ZC3H14: variants seen among roughly 807,000 people sequenced by gnomAD.
The protein encoded by ZC3H14 is zinc finger CCCH domain-containing protein 14.
A neutral mutation model predicts 92.4 loss-of-function variants in ZC3H14; 31 were observed. The observed-to-expected ratio is 0.34, with a 90% confidence interval of 0.25 to 0.45. The LOEUF is 0.45. Among genes scored for constraint, ZC3H14 ranks in the 20% least tolerant of loss-of-function variants. ZC3H14 has a pLI of 1.00. For synonymous variants in ZC3H14, 321 were observed against 300.9 expected, an observed-to-expected ratio of 1.07 and a Z score of -0.69; for missense variants, 781 against 897.3, an observed-to-expected ratio of 0.87 and a Z score of 1.66.
In ZC3H14 at chr14:88,572,079, G is replaced by T. The variant is rs553660137; in HGVS notation, c.285G>T (p.Val95=). Residue 95 remains valine (V), a synonymous_variant, in exon 5 of 17, where the codon GTG becomes GTT. Coordinates refer to ENST00000251038, the MANE Select transcript of ZC3H14 (RefSeq NM_024824.5). ...ATACCAACATCTTTGATAGTAACGT[G>T]CCTTCAAACAAGAGCAATTTCAGTC... ...SSDTNIFDSN[V]PSNKSNFSRG... is the part of the protein sequence containing the mutation. The T allele has an allele frequency of 5.0e-6, 8 of 1,614,132 alleles. No homozygotes were observed. The African/African-American group carries it at 9.3e-5, about 19-fold the overall frequency.
chr14:88,595,031 A>G lies in ZC3H14; in HGVS notation c.1280-1703A>G, dbSNP rs140218895. On this transcript the variant is annotated intron_variant, in intron 9 of 16. Transcript: ENST00000251038. ...ACATATGAATGCAACAGACAGTTTGAAGATCAAGAAGAAGATACTGAATCA... is the reference window on the plus strand; with the variant it reads ...ACATATGAATGCAACAGACAGTTTGGAGATCAAGAAGAAGATACTGAATCA... The G allele has an allele frequency of 4.9e-5, 79 of 1,613,540 alleles. 1 individual carries two copies. The African/African-American group carries it at 9.3e-4, about 19-fold the overall frequency.
chr14:88,574,503 A>G (rs2080908262), intron 6 of ZC3H14, 190 bp from the exon 7 acceptor site: 1 of 653,726 alleles, frequency 1.5e-6, no homozygotes. Flanking sequence ...TCGGCCTTCC[A>G]AAGTGCTAGG....
intron 13 of ZC3H14, 76 bp from the exon 14 acceptor site, chr14:88,609,191 A>G (rs1301231153): frequency 1.1e-5 from 18 of 1,588,630 alleles, no homozygotes; most frequent in Non-Finnish European, 1.6e-5. Flanking sequence ...TGGGGAGTGT[A>G]AAGAGCCCTT....
At chr14:88,579,028 G>A (rs1028312768) in intron 9 of ZC3H14, among the ~76,000 whole-genome samples, 1 of 151,756 alleles carries the variant, frequency 6.6e-6, no homozygotes, top group Non-Finnish European at 1.5e-5. Context: ...TCGTCAAGAA[G>A]GATTCTTTTT....
intron 6 of ZC3H14, among the ~76,000 whole-genome samples, chr14:88,573,536 C>T (rs2080758449): frequency 6.6e-6 from 1 of 151,862 alleles, no homozygotes; most frequent in Non-Finnish European, 1.5e-5. Context: ...TGGGTTCAAG[C>T]GATTCTCCTG....
intron 9 of ZC3H14, among the ~76,000 whole-genome samples, chr14:88,588,094 C>T (rs2082672891): frequency 6.6e-6 from 1 of 151,878 alleles, no homozygotes; most frequent in South Asian, 2.1e-4. Context: ...TCATTGCCTA[C>T]CTGTACTGTA....
chr14:88,574,133 A>G lies in ZC3H14; in HGVS notation c.862-560A>G, dbSNP rs552876890. The stretch of plus-strand genomic sequence containing the variant: ...GTGAGCAACCAATTAACTCTGTTTT[A>G]TTAGTTTCCTCAATAGCACTATATG... On this transcript the variant is annotated intron_variant, in intron 6 of 16. Transcript: ENST00000251038. Among the ~76,000 whole-genome samples, 37 of 152,314 alleles carry G rather than the reference A, an allele frequency of 2.4e-4. No homozygotes were observed. In the South Asian group the frequency reaches 7.5e-3, roughly 31 times the overall value.
chr14:88,582,409 G>A (rs2082008964), intron 9 of ZC3H14, among the ~76,000 whole-genome samples: 1 of 152,164 alleles, frequency 6.6e-6, no homozygotes, highest in South Asian at 2.1e-4. Context: ...GGGTTGAATA[G>A]CCTGAGAAAT....
Position 88,618,756 on chromosome 14 carries a change from AAAT to A in ZC3H14, c.*7006_*7008del. On this transcript the variant is annotated 3_prime_UTR_variant, in exon 17 of 17. Transcript: ENST00000251038. ...AGTGGGGCCCAGCGTTAGGTCATAA[AAAT>A]CCACTGAGTTCTCACTAGAACCTAC... is the stretch of plus-strand genomic sequence containing the variant. 6.2e-7 allele frequency: 1 copy of A among 1,603,408 alleles called. No homozygotes were observed. Among genetic ancestry groups the A allele is most frequent in the Non-Finnish European group, 8.5e-7 (1 of 1,174,116 alleles).
intron 9 of ZC3H14, among the ~76,000 whole-genome samples, chr14:88,593,187 C>G (rs186611025): frequency 6.5e-4 from 99 of 151,988 alleles, no homozygotes; most frequent in Non-Finnish European, 3.7e-4. Flanking sequence ...AGGCTGGTCT[C>G]GAACTCCTGA....
At position 88,611,868 on chromosome 14, in the gene ZC3H14, TGAA is replaced by T; in HGVS notation, c.*119_*121del. The T allele has an allele frequency of 2.8e-6, 4 of 1,421,178 alleles. No homozygotes were observed. Among genetic ancestry groups the T allele is most frequent in the Non-Finnish European group, 3.9e-6 (4 of 1,020,098 alleles). 88.0% of individuals were successfully genotyped at this position (1,421,178 alleles called of 1,614,324 possible). On this transcript the variant is annotated 3_prime_UTR_variant, in exon 17 of 17. Coordinates refer to ENST00000251038, the MANE Select transcript of ZC3H14 (RefSeq NM_024824.5). Reference sequence around the variant, plus strand: ...CTTGGAATATATTGCTTTCATAATATGAAGTTTTATTGCCTATCTATCTGAAGT... The same window carrying T: ...CTTGGAATATATTGCTTTCATAATATGTTTTATTGCCTATCTATCTGAAGT...
intron 9 of ZC3H14, among the ~76,000 whole-genome samples, chr14:88,580,581 T>G (rs1595601042): frequency 1.3e-5 from 2 of 152,070 alleles, no homozygotes; most frequent in East Asian, 3.9e-4. Context: ...GTGGCAAATA[T>G]TGATAATAGG....
At chr14:88,604,512 A>G (rs2085071172) in intron 12 of ZC3H14, among the ~76,000 whole-genome samples, 1 of 151,810 alleles carries the variant, frequency 6.6e-6, no homozygotes, top group Admixed American at 6.6e-5. Context: ...TGTTTCAAGG[A>G]TGCTACCAAC....
At chr14:88,611,369 A>G (rs558521060) in intron 16 of ZC3H14, among the ~76,000 whole-genome samples, 1 of 152,306 alleles carries the variant, frequency 6.6e-6, no homozygotes, top group African/African-American at 2.4e-5. Flanking sequence ...TACCAGGATT[A>G]CAGGCATGAG....
At position 88,594,911 on chromosome 14, in the gene ZC3H14, C is replaced by T. The variant is rs560386753; in HGVS notation, c.1280-1823C>T. ...AAAGGAATGAAAGCAGCTATTTTGA[C>T]AGTGGAAGCAAATCTTTTTGATCTA... On this transcript the variant is annotated intron_variant, in intron 9 of 16. Coordinates refer to ENST00000251038, the MANE Select transcript of ZC3H14 (RefSeq NM_024824.5). The T allele has an allele frequency of 3.7e-6, 6 of 1,613,860 alleles. No individual in the cohort carries two copies. The South Asian group carries it at 5.5e-5, about 15-fold the overall frequency.
chr14:88,617,746 T>G lies in ZC3H14; in HGVS notation c.*5995T>G, dbSNP rs912279016. 1 of 152,796 alleles carries G rather than the reference T, an allele frequency of 6.5e-6. No individual in the cohort carries two copies. Among genetic ancestry groups the G allele is most frequent in the African/African-American group, 2.4e-5 (1 of 41,460 alleles). The allele number at this position is 152,796 out of a possible 1,614,324, so 9.5% of individuals were successfully genotyped here. ...CCTGCTACATCAGAGATTACAGGCATGAGCCACTATATGCCTGGCTGATAC... is the reference window on the plus strand; with the variant it reads ...CCTGCTACATCAGAGATTACAGGCAGGAGCCACTATATGCCTGGCTGATAC... On this transcript the variant is annotated 3_prime_UTR_variant, in exon 17 of 17. Transcript: ENST00000251038.
In ZC3H14 at chr14:88,618,379, C is replaced by A; in HGVS notation, c.*6628C>A. 1 of 1,509,940 alleles carries A rather than the reference C, an allele frequency of 6.6e-7. No homozygotes were observed. Among genetic ancestry groups the A allele is most frequent in the Non-Finnish European group, 9.2e-7 (1 of 1,089,876 alleles). 93.5% of individuals were successfully genotyped at this position (1,509,940 alleles called of 1,614,324 possible). A position where few individuals can be genotyped will look rare whatever the true frequency, so the allele number is the denominator to read the frequency against. On this transcript the variant is annotated 3_prime_UTR_variant, in exon 17 of 17. Transcript: ENST00000251038. ...GACAAGAATTCCATTAGGTGAGAGA[C>A]AAAATCCACAGGGGGTTTACAGAAT...
rs531579822 is a variant in ZC3H14 at position 88,586,974 on chromosome 14, C to T, written c.1279+8834C>T. ...TTCTTCATTGACCAACTAGATAGTACCTGTTGATTTCTTGCTGTATGTCAG... is the reference window on the plus strand; with the variant it reads ...TTCTTCATTGACCAACTAGATAGTATCTGTTGATTTCTTGCTGTATGTCAG... On this transcript the variant is annotated intron_variant, in intron 9 of 16. Transcript: ENST00000251038. 3.3e-5 allele frequency among the ~76,000 whole-genome samples: 5 copies of T among 152,156 alleles called. No homozygotes were observed. The South Asian group carries it at 1.0e-3, about 32-fold the overall frequency.
In ZC3H14 at chr14:88,611,902, A is replaced by G. The variant is rs2086850498; in HGVS notation, c.*151A>G. ...ATTGCCTATCTATCTGAAGTGTCTA[A>G]TTTTTCAAGTTTGTAAGTTTATTAT... On this transcript the variant is annotated 3_prime_UTR_variant, in exon 17 of 17. Transcript: ENST00000251038. 3 of 1,081,100 alleles carry G rather than the reference A, an allele frequency of 2.8e-6. No individual in the cohort carries two copies. The highest frequency in any genetic ancestry group is 4.0e-6 in the Non-Finnish European group (3 of 745,378). 67.0% of individuals were successfully genotyped at this position (1,081,100 alleles called of 1,614,324 possible). A position where few individuals can be genotyped will look rare whatever the true frequency, so the allele number is the denominator to read the frequency against.
Sources: gnomAD v4.1 joint callset for allele counts (sites outside exome capture counted in the v4.1 genomes callset) on GRCh38, gnomAD v4.1.1 for gene constraint, MANE v1.5 for transcripts, NCBI Gene and HGNC (gene_info 2026-07-23, HGNC 2026-07-21) for gene names.